C3orf52: variants seen among roughly 807,000 people sequenced by gnomAD.
C3orf52 encodes chromosome 3 open reading frame 52.
C3orf52 carries 22 observed loss-of-function variants against 24.8 expected under a neutral mutation model. The observed-to-expected ratio is 0.89, with a 90% CI of 0.63 to 1.27. C3orf52 has a LOEUF of 1.27. Among genes scored for constraint, C3orf52 ranks in the 50% most tolerant of loss-of-function variants. The probability of loss-of-function intolerance (pLI) is 0.00; values close to 1 mark genes in which losing one functional copy is unlikely to be tolerated. For missense variants in C3orf52, 265 were observed against 260.7 expected (o/e 1.02, Z -0.11); for synonymous variants, 93 against 100.2 (o/e 0.93, Z 0.43).
At chr3:112,125,277 A>G in intron 4 of C3orf52, 8 of 1,535,600 alleles carry the variant, frequency 5.2e-6, no homozygotes, top group Non-Finnish European at 7.2e-6. Flanking sequence ...AATACACTCA[A>G]TGAATTTCAG....
downstream of C3orf52, chr3:112,132,568 TA>T: frequency 1.4e-6 from 1 of 705,530 alleles, no homozygotes; most frequent in Non-Finnish European, 1.7e-6. Context: ...CTACTTAAAA[TA>T]AAGAGGCTGA....
chr3:112,134,735 A>G (rs1304638979), downstream of C3orf52: 2 of 152,896 alleles, frequency 1.3e-5, no homozygotes, highest in African/African-American at 4.8e-5. Flanking sequence ...AGCCCAACTG[A>G]TCTTCATTGA....
downstream of C3orf52, chr3:112,133,891 C>T (rs1472307709): frequency 6.6e-6 from 1 of 152,184 alleles, no homozygotes; most frequent in Non-Finnish European, 1.5e-5. Context: ...AAAGGTCCCA[C>T]CCTCAAGCCT....
downstream of C3orf52, chr3:112,130,586 C>T (rs570335924): frequency 9.9e-4 from 1,322 of 1,332,202 alleles, 6 homozygotes; most frequent in South Asian, 5.1e-3. Context: ...ATAATTTTTC[C>T]GACTTTCCTC....
intron 1 of C3orf52, among the ~76,000 whole-genome samples, chr3:112,087,898 C>T (rs2073844091): frequency 6.6e-6 from 1 of 152,198 alleles, no homozygotes; most frequent in Admixed American, 6.5e-5. Context: ...AAGTGTGTCC[C>T]AGAGGCAAGC....
At chr3:112,130,170 A>G (rs1268408776), downstream of C3orf52, 3 of 415,894 alleles carry the variant, frequency 7.2e-6, no homozygotes, top group Non-Finnish European at 1.3e-5. Context: ...ACAACAGGAA[A>G]TAAGACCTTT....
At chr3:112,103,021 GC>G in intron 3 of C3orf52, 56 bp downstream of exon 3, 1 of 1,558,434 alleles carries the variant, frequency 6.4e-7, no homozygotes. Context: ...TATGAATTTT[GC>G]TAGAATAATT....
chr3:112,105,565 TG>T lies in C3orf52; in HGVS notation c.396+2601del, dbSNP rs1241839855. Among the ~76,000 whole-genome samples the T allele has an allele frequency of 2.0e-5, 3 of 151,814 alleles. No individual in the cohort carries two copies. In the East Asian group the frequency reaches 5.8e-4, roughly 29 times the overall value. ...GTGTGTGTGTGTGTGTGTGTGTGTG[TG>T]TGTGTTTTCCACACCAACCAATTAT... is the stretch of plus-strand genomic sequence containing the variant. On this transcript the variant is annotated intron_variant, in intron 3 of 5. Coordinates refer to ENST00000264848, the MANE Select transcript of C3orf52 (RefSeq NM_024616.3).
chr3:112,090,124 C>T (rs1002946421), intron 1 of C3orf52, among the ~76,000 whole-genome samples: 4 of 152,074 alleles, frequency 2.6e-5, no homozygotes, highest in African/African-American at 7.2e-5. Flanking sequence ...GCACAGGTAG[C>T]ACACACCTAC....
intron 1 of C3orf52, 55 bp downstream of exon 1, chr3:112,086,600 C>A: frequency 6.6e-7 from 1 of 1,515,990 alleles, no homozygotes; most frequent in Non-Finnish European, 8.9e-7. Context: ...AGTAGTAGGA[C>A]CCGGGCCTGG....
chr3:112,130,341 G>A, downstream of C3orf52: 1 of 879,318 alleles, frequency 1.1e-6, no homozygotes, highest in African/African-American at 1.6e-5. Context: ...ACTGCTACTG[G>A]TCTAAACAGG....
chr3:112,109,651 T>C (rs1320896717), intron 4 of C3orf52, 38 bp downstream of exon 4: 2 of 1,262,698 alleles, frequency 1.6e-6, no homozygotes, highest in Non-Finnish European at 1.1e-6. Flanking sequence ...TCTCTTTCTC[T>C]GGAAAGAGAT....
In C3orf52 at chr3:112,113,019, G is replaced by A; in HGVS notation, c.523G>A (p.Glu175Lys). The part of the protein sequence containing the change: ...DLQFGVPSDD[E>K]NFMKYMMSEE... ...GCAATTTGGGGTTCCATCAGATGAT[G>A]AAAATTTTATGAAGTATATGATGAG... The change falls in exon 5 of 6, where the codon GAA becomes AAA. Residue 175 changes from glutamate (E) to lysine (K), a missense_variant. By Grantham distance (56) the Glu-to-Lys change is moderately conservative. Transcript: ENST00000264848. 6.2e-7 allele frequency: 1 copy of A among 1,608,776 alleles called. No homozygotes were observed. Among genetic ancestry groups the A allele is most frequent in the South Asian group, 1.1e-5 (1 of 89,588 alleles).
chr3:112,126,206 G>A (rs1298532165), intron 4 of C3orf52, among the ~76,000 whole-genome samples: 1 of 152,188 alleles, frequency 6.6e-6, no homozygotes, highest in Non-Finnish European at 1.5e-5. Flanking sequence ...GAGTGAAGTG[G>A]CTAGGGTGGG....
rs185282959 is a variant in C3orf52, at chr3:112,123,372, T to C, written c.*46+3810T>C. 5.2e-6 allele frequency: 8 copies of C among 1,552,604 alleles called. No homozygotes were observed. The East Asian group carries it at 1.1e-4, about 22-fold the overall frequency. ...TGTGGGAGATAAGCTGGAGGGACTTTGTGTCCCATCCCTGCTTCAGGCAGA... is the reference window on the plus strand; with the variant it reads ...TGTGGGAGATAAGCTGGAGGGACTTCGTGTCCCATCCCTGCTTCAGGCAGA... On this transcript the variant is annotated intron_variant, in intron 4 of 4. Transcript: ENST00000480282.
intron 3 of C3orf52, among the ~76,000 whole-genome samples, chr3:112,104,052 A>G (rs2074002741): frequency 6.6e-6 from 1 of 152,232 alleles, no homozygotes. Context: ...GACTTGAACT[A>G]GGGCAGTGTC....
intron 4 of C3orf52, among the ~76,000 whole-genome samples, chr3:112,127,215 T>C (rs967976933): frequency 6.6e-6 from 1 of 152,174 alleles, no homozygotes; most frequent in Non-Finnish European, 1.5e-5. Flanking sequence ...AATAGAAATA[T>C]ATTCCTTTGT....
chr3:112,093,885 T>C (rs1377586199), intron 2 of C3orf52, among the ~76,000 whole-genome samples: 1 of 152,230 alleles, frequency 6.6e-6, no homozygotes, highest in Non-Finnish European at 1.5e-5. Context: ...ATCTGGTGTG[T>C]CTGATATATT....
Position 112,117,855 on chromosome 3 carries a change from C to T in C3orf52, c.*1209C>T, listed in dbSNP as rs1233392863. 1 of 151,468 alleles carries T rather than the reference C, an allele frequency of 6.6e-6. No individual in the cohort carries two copies. Among genetic ancestry groups the T allele is most frequent in the African/African-American group, 2.4e-5 (1 of 41,124 alleles). 9.4% of individuals were successfully genotyped at this position (151,468 alleles called of 1,614,324 possible). The stretch of plus-strand genomic sequence containing the variant: ...AGTTTTGTGCTGTATTGTGAGAGAT[C>T]TCGCCTCTCAGTTAAATGAGCCCTG... On this transcript the variant is annotated 3_prime_UTR_variant, in exon 6 of 6. Coordinates refer to ENST00000264848, the MANE Select transcript of C3orf52 (RefSeq NM_024616.3).
Sources: gnomAD v4.1 joint callset for allele counts (sites outside exome capture counted in the v4.1 genomes callset) on GRCh38, gnomAD v4.1.1 for gene constraint, MANE v1.5 for transcripts, NCBI Gene and HGNC (gene_info 2026-07-23, HGNC 2026-07-21) for gene names.